The following ATP8A2 variants were observed in gnomAD, a reference collection of about 807,000 sequenced individuals.
ATP8A2 encodes ATPase phospholipid transporting 8A2, also known as phospholipid-transporting ATPase IB.
ATP8A2 carries 100 observed loss-of-function variants against 165.6 expected under a neutral mutation model. The observed-to-expected ratio is 0.60, with a 90% CI of 0.51 to 0.71. The LOEUF (loss-of-function observed/expected upper bound fraction) is 0.71, where lower values mean the gene tolerates loss of function less well. Ranked by LOEUF, ATP8A2 falls within the 30% of genes least tolerant of loss-of-function variation. ATP8A2 has a pLI of 0.00. For missense variants in ATP8A2, 1,227 were observed against 1,479.5 expected (o/e 0.83, Z 2.80); for synonymous variants, 543 against 548.8 (o/e 0.99, Z 0.15).
At chr13:25,703,325 A>C (rs1346875377) in intron 25 of ATP8A2, among the ~76,000 whole-genome samples, 1 of 151,954 alleles carries the variant, frequency 6.6e-6, no homozygotes, top group African/African-American at 2.4e-5. Flanking sequence ...TGATCTGCCC[A>C]CCTCGGCCTC....
chr13:25,582,544 T>C (rs955320600), intron 23 of ATP8A2, among the ~76,000 whole-genome samples: 5 of 152,254 alleles, frequency 3.3e-5, no homozygotes, highest in African/African-American at 1.2e-4. Context: ...TTGAAACATT[T>C]AAACACTATC....
At chr13:25,666,906 T>G (rs2042166337) in intron 24 of ATP8A2, among the ~76,000 whole-genome samples, 1 of 152,314 alleles carries the variant, frequency 6.6e-6, no homozygotes, top group East Asian at 1.9e-4. Context: ...GAAATAAGTG[T>G]GGTTGTTTTC....
At chr13:25,628,966 G>A (rs191593725) in intron 24 of ATP8A2, among the ~76,000 whole-genome samples, 2 of 152,228 alleles carry the variant, frequency 1.3e-5, no homozygotes, top group Admixed American at 1.3e-4. Context: ...AGCATCCTAA[G>A]CCCTTGTTTG....
At chr13:25,855,862 C>G (rs966270603) in intron 30 of ATP8A2, among the ~76,000 whole-genome samples, 4 of 152,168 alleles carry the variant, frequency 2.6e-5, no homozygotes, top group African/African-American at 9.7e-5. Context: ...TAAGTGGTAT[C>G]TCATTGTGGT....
intron 24 of ATP8A2, among the ~76,000 whole-genome samples, chr13:25,620,188 T>C (rs76284920): frequency 2.5e-3 from 380 of 152,304 alleles, no homozygotes; most frequent in African/African-American, 8.7e-3. Context: ...CGATTCATCA[T>C]AGTGAAACTT....
intron 25 of ATP8A2, among the ~76,000 whole-genome samples, chr13:25,733,622 GTCGGCCC>G (rs1237511256): frequency 6.6e-6 from 1 of 152,062 alleles, no homozygotes; most frequent in Non-Finnish European, 1.5e-5. Context: ...TTCATGCTTT[GTCGGCCC>G]TCTCACATAC....
intron 2 of ATP8A2, among the ~76,000 whole-genome samples, chr13:25,527,583 A>G (rs2037881333): frequency 6.6e-6 from 1 of 152,164 alleles, no homozygotes; most frequent in Admixed American, 6.5e-5. Context: ...GATGAATGTT[A>G]ATTTCTCTGA....
At chr13:25,630,865 C>T (rs1402911544) in intron 24 of ATP8A2, among the ~76,000 whole-genome samples, 2 of 152,042 alleles carry the variant, frequency 1.3e-5, no homozygotes, top group East Asian at 1.9e-4. Flanking sequence ...TCCGCTTTCT[C>T]ATCCTTCATT....
At chr13:25,719,455 ATGGG>A (rs2043325597) in intron 25 of ATP8A2, among the ~76,000 whole-genome samples, 1 of 150,342 alleles carries the variant, frequency 6.7e-6, no homozygotes, top group African/African-American at 2.4e-5. Context: ...GGATGGGTGG[ATGGG>A]TGGATGGGTG....
chr13:25,640,841 T>G (rs951542880), intron 24 of ATP8A2, among the ~76,000 whole-genome samples: 4 of 152,196 alleles, frequency 2.6e-5, no homozygotes, highest in Admixed American at 2.6e-4. Context: ...TGAACATCAA[T>G]GCAAAAATCC....
At chr13:25,608,414 A>G (rs181289135) in intron 24 of ATP8A2, among the ~76,000 whole-genome samples, 1 of 152,310 alleles carries the variant, frequency 6.6e-6, no homozygotes, top group East Asian at 1.9e-4. Context: ...ACATGACAGT[A>G]TGTTCTCTAC....
intron 24 of ATP8A2, among the ~76,000 whole-genome samples, chr13:25,628,434 C>G (rs981372822): frequency 4.6e-5 from 7 of 152,182 alleles, no homozygotes; most frequent in African/African-American, 1.7e-4. Context: ...TGTAAATGCA[C>G]TTACGTTTTC....
chr13:25,555,769 T>C (rs1475127973), intron 13 of ATP8A2, among the ~76,000 whole-genome samples: 4 of 152,026 alleles, frequency 2.6e-5, no homozygotes, highest in Admixed American at 1.3e-4. Context: ...TTTTCAACGC[T>C]TTTCCCCAAC....
chr13:25,516,681 C>A lies in ATP8A2; in HGVS notation c.222-13318C>A, dbSNP rs145416996. Among the ~76,000 whole-genome samples the A allele has an allele frequency of 5.5e-4, 83 of 151,144 alleles. No homozygotes were observed. In the East Asian group the frequency reaches 8.1e-3, roughly 15 times the overall value. On this transcript the variant is annotated intron_variant, in intron 2 of 36. Transcript: ENST00000381655. The stretch of plus-strand genomic sequence containing the variant: ...GAGAAGAATCTCATTAAAAATGATC[C>A]TTCTCTTGCAGTGCAAAATTAAATA...
chr13:25,938,555 C>T (rs1954980797), intron 33 of ATP8A2, among the ~76,000 whole-genome samples: 1 of 151,548 alleles, frequency 6.6e-6, no homozygotes, highest in African/African-American at 2.4e-5. Context: ...GTGTGTTTCA[C>T]CTGAATTATG....
Position 25,443,769 on chromosome 13 carries a change from G to A in ATP8A2, c.77-25208G>A, listed in dbSNP as rs937655010. Among the ~76,000 whole-genome samples the A allele has an allele frequency of 2.6e-5, 4 of 152,240 alleles. No individual in the cohort carries two copies. The South Asian group carries it at 6.2e-4, about 24-fold the overall frequency. ...TTCCTCCCTAAAACATAGGCTACAT[G>A]AGGGCACGGAATTATATCTGTTTTG... On this transcript the variant is annotated intron_variant, in intron 1 of 36. Coordinates refer to ENST00000381655, the MANE Select transcript of ATP8A2 (RefSeq NM_016529.6).
At chr13:25,675,145 A>G (rs1359923597) in intron 24 of ATP8A2, among the ~76,000 whole-genome samples, 1 of 152,214 alleles carries the variant, frequency 6.6e-6, no homozygotes, top group Non-Finnish European at 1.5e-5. Context: ...TGAAGCAGAC[A>G]TGGTGGAGCC....
intron 2 of ATP8A2, among the ~76,000 whole-genome samples, chr13:25,469,564 C>T (rs1222359985): frequency 6.6e-6 from 1 of 152,172 alleles, no homozygotes; most frequent in African/African-American, 2.4e-5. Context: ...ATTCAGTTCT[C>T]AGTGGTCCAC....
At chr13:25,735,911 C>A (rs1336848981) in intron 25 of ATP8A2, among the ~76,000 whole-genome samples, 1 of 152,202 alleles carries the variant, frequency 6.6e-6, no homozygotes, top group Non-Finnish European at 1.5e-5. Context: ...CTGACTCACC[C>A]AGAGCAACGT....
Sources: gnomAD v4.1 joint callset for allele counts (sites outside exome capture counted in the v4.1 genomes callset) on GRCh38, gnomAD v4.1.1 for gene constraint, MANE v1.5 for transcripts, NCBI Gene and HGNC (gene_info 2026-07-23, HGNC 2026-07-21) for gene names.